The following SRPK2 variants were observed in gnomAD, a reference collection of about 807,000 sequenced individuals.
The protein encoded by SRPK2 is SFRS protein kinase 2.
A neutral mutation model predicts 90.8 loss-of-function variants in SRPK2; 21 were observed. The ratio of observed to expected loss-of-function variants is 0.23; its 90% CI spans 0.16 to 0.33. The LOEUF is 0.33. Among genes scored for constraint, SRPK2 ranks in the 10% least tolerant of loss-of-function variants. SRPK2 has a pLI of 1.00. For missense variants in SRPK2, 620 were observed against 869.0 expected (o/e 0.71, Z 3.60); for synonymous variants, 288 against 311.1 (o/e 0.93, Z 0.78).
chr7:105,160,630 G>T lies in SRPK2; in HGVS notation c.515-17C>A. The T allele has an allele frequency of 6.6e-7, 1 of 1,524,508 alleles. No individual in the cohort carries two copies. Among genetic ancestry groups the T allele is most frequent in the South Asian group, 1.1e-5 (1 of 88,974 alleles). 94.4% of individuals were successfully genotyped at this position (1,524,508 alleles called of 1,614,324 possible). A position where few individuals can be genotyped will look rare whatever the true frequency, so the allele number is the denominator to read the frequency against. On this transcript the variant is annotated splice_polypyrimidine_tract_variant and intron_variant, in intron 6 of 15. Coordinates refer to ENST00000393651, the MANE Select transcript of SRPK2 (RefSeq NM_182692.3). The stretch of plus-strand genomic sequence containing the variant: ...TGCAGACATCTGGGACACAGTTAAG[G>T]ATCGTTTGTGGATGCACTGCCTGGA...
At chr7:105,379,187 G>A (rs1049931485) in intron 2 of SRPK2, among the ~76,000 whole-genome samples, 5 of 151,582 alleles carry the variant, frequency 3.3e-5, no homozygotes, top group Admixed American at 6.6e-5. Context: ...TCAGCCCTCT[G>A]AAACTGTGGA....
At chr7:105,203,209 T>C in intron 3 of SRPK2, among the ~76,000 whole-genome samples, 1 of 152,090 alleles carries the variant, frequency 6.6e-6, no homozygotes, top group Non-Finnish European at 1.5e-5. Flanking sequence ...AGGCTGGTCT[T>C]GAATTCCTGA....
At position 105,158,112 on chromosome 7, in the gene SRPK2, C is replaced by A. The variant is rs534996768; in HGVS notation, c.621+2395G>T. Among the ~76,000 whole-genome samples the A allele has an allele frequency of 1.3e-5, 2 of 152,050 alleles. 1 individual carries two copies. The highest frequency in any genetic ancestry group is 4.1e-4 in the South Asian group (2 of 4,820). Reference sequence around the variant, plus strand: ...AACACAGGTTAACTTATTTAATCTTCGGTTCATTCAACAAGGATGCACTGA... The same window carrying A: ...AACACAGGTTAACTTATTTAATCTTAGGTTCATTCAACAAGGATGCACTGA... On this transcript the variant is annotated intron_variant, in intron 7 of 15. Coordinates refer to ENST00000393651, the MANE Select transcript of SRPK2 (RefSeq NM_182692.3).
intron 2 of SRPK2, among the ~76,000 whole-genome samples, chr7:105,210,959 G>T (rs1419140890): frequency 6.6e-6 from 1 of 152,130 alleles, no homozygotes; most frequent in African/African-American, 2.4e-5. Context: ...TCAAGGAAAT[G>T]AGTTCTGCCA....
intron 2 of SRPK2, among the ~76,000 whole-genome samples, chr7:105,227,487 C>T (rs970774569): frequency 6.6e-6 from 1 of 152,180 alleles, no homozygotes; most frequent in Non-Finnish European, 1.5e-5. Flanking sequence ...GATGGCTCAA[C>T]ATCATTAGCC....
intron 3 of SRPK2, among the ~76,000 whole-genome samples, chr7:105,184,679 A>C (rs1440989446): frequency 6.6e-6 from 1 of 152,202 alleles, no homozygotes; most frequent in Non-Finnish European, 1.5e-5. Context: ...AGATTTGTAT[A>C]ATGAAGGTCA....
At position 105,142,153 on chromosome 7, in the gene SRPK2, G is replaced by A; in HGVS notation, c.1398C>T (p.Thr466=). ...GTTCTAAGGATCCAGAGAACAACGA[G>A]GTGGAAAACTCTGGGAACTGTGACT... The part of the protein sequence containing the change: ...IPESQFPEFS[T]SLFSGSLEPV... The change falls in exon 11 of 16, where the codon ACC becomes ACT. Residue 466 remains threonine (T), a synonymous_variant. Coordinates refer to ENST00000393651, the MANE Select transcript of SRPK2 (RefSeq NM_182692.3). 2 of 1,614,172 alleles carry A rather than the reference G, an allele frequency of 1.2e-6. No homozygotes were observed. The highest frequency in any genetic ancestry group is 2.2e-5 in the South Asian group (2 of 91,082).
At chr7:105,236,502 G>C (rs1450408303) in intron 2 of SRPK2, among the ~76,000 whole-genome samples, 1 of 151,830 alleles carries the variant, frequency 6.6e-6, no homozygotes, top group Non-Finnish European at 1.5e-5. Context: ...TATCACCTCT[G>C]ATATAATGGC....
intron 2 of SRPK2, among the ~76,000 whole-genome samples, chr7:105,357,181 C>T (rs982756935): frequency 6.6e-6 from 1 of 151,930 alleles, no homozygotes; most frequent in Non-Finnish European, 1.5e-5. Flanking sequence ...GGACTACAGG[C>T]GCCCACCACC....
upstream of SRPK2, chr7:105,389,492 C>T (rs1822081395): frequency 1.9e-6 from 2 of 1,027,484 alleles, no homozygotes; most frequent in East Asian, 1.0e-4. Flanking sequence ...CCTCTAAGTG[C>T]CCTCCAGGAT....
chr7:105,191,843 T>C (rs1261632916), intron 3 of SRPK2, among the ~76,000 whole-genome samples: 2 of 150,374 alleles, frequency 1.3e-5, no homozygotes, highest in Non-Finnish European at 3.0e-5. Context: ...AAACCTACAC[T>C]GGTTCTTTTT....
intron 3 of SRPK2, among the ~76,000 whole-genome samples, chr7:105,181,365 G>A (rs189535946): frequency 8.1e-4 from 123 of 152,266 alleles, no homozygotes; most frequent in Admixed American, 4.7e-3. Context: ...TCCTTATTGT[G>A]TATACACCGA....
chr7:105,145,055 G>A (rs980018012), intron 9 of SRPK2, among the ~76,000 whole-genome samples: 9 of 147,656 alleles, frequency 6.1e-5, no homozygotes, highest in Non-Finnish European at 1.0e-4. Context: ...GCAGTGAGCC[G>A]AGATCGCACC....
Position 105,388,827 on chromosome 7 carries a change from G to A in SRPK2, c.-21C>T. ...CTCATTCCGACGCGGCGGAAGCGGG[G>A]CGGGGGGCTTCGCGACGGCGACGCG... On this transcript the variant is annotated 5_prime_UTR_variant, in exon 1 of 16. Transcript: ENST00000393651. The A allele has an allele frequency of 7.4e-6, 10 of 1,357,372 alleles. No homozygotes were observed. Among genetic ancestry groups the A allele is most frequent in the Middle Eastern group, 5.0e-4 (2 of 3,962 alleles). The allele number at this position is 1,357,372 out of a possible 1,614,324, so 84.1% of individuals were successfully genotyped here.
chr7:105,357,257 T>G (rs1242842763), intron 2 of SRPK2, among the ~76,000 whole-genome samples: 1 of 152,058 alleles, frequency 6.6e-6, no homozygotes, highest in African/African-American at 2.4e-5. Flanking sequence ...GCCAGGATGG[T>G]CTCGATCTCC....
At chr7:105,239,110 A>G (rs1411319573) in intron 2 of SRPK2, among the ~76,000 whole-genome samples, 1 of 152,242 alleles carries the variant, frequency 6.6e-6, no homozygotes, top group Non-Finnish European at 1.5e-5. Flanking sequence ...ATTGCACTAC[A>G]TATCTGAATA....
intron 2 of SRPK2, among the ~76,000 whole-genome samples, chr7:105,209,545 A>C (rs1458948925): frequency 6.6e-6 from 1 of 152,064 alleles, no homozygotes; most frequent in Non-Finnish European, 1.5e-5. Context: ...CTCAGGAAAA[A>C]AAGAAAGAAG....
At chr7:105,180,017 T>A (rs923095958) in intron 3 of SRPK2, among the ~76,000 whole-genome samples, 1 of 152,128 alleles carries the variant, frequency 6.6e-6, no homozygotes, top group African/African-American at 2.4e-5. Context: ...TGAAACAATT[T>A]ACAGATTCAA....
chr7:105,294,508 TG>T (rs1417074434), intron 2 of SRPK2, among the ~76,000 whole-genome samples: 3 of 107,584 alleles, frequency 2.8e-5, no homozygotes, highest in African/African-American at 8.3e-5. Context: ...TTGTTGTTGC[TG>T]TTTTTTTGTT....
Sources: allele counts gnomAD v4.1 joint callset (sites outside exome capture counted in the v4.1 genomes callset), GRCh38; gene constraint gnomAD v4.1.1; transcripts MANE v1.5; gene names NCBI Gene and HGNC (gene_info 2026-07-23, HGNC 2026-07-21).